The following RNF212B variants were observed in gnomAD, a reference collection of about 807,000 sequenced individuals.
The protein encoded by RNF212B is ring finger protein 212B, also known as E3 ubiquitin-protein ligase RNF212B.
A neutral mutation model predicts 55.5 loss-of-function variants in RNF212B; 52 were observed. That is an observed-to-expected ratio of 0.94 (90% CI 0.75 to 1.18). The LOEUF (loss-of-function observed/expected upper bound fraction) is 1.18. Ranked by LOEUF, RNF212B falls within the 50% of genes most tolerant of loss-of-function variation. RNF212B has a pLI of 0.00. For synonymous variants in RNF212B, 99 were observed against 121.4 expected (o/e 0.82, Z 1.21); for missense variants, 289 against 350.4 (o/e 0.82, Z 1.40).
intron 11 of RNF212B, among the ~76,000 whole-genome samples, chr14:23,266,656 C>T (rs1338405539): frequency 6.6e-6 from 1 of 152,110 alleles, no homozygotes; most frequent in Admixed American, 6.5e-5. Context: ...GGTGATCTGC[C>T]TGCCTCATCC....
chr14:23,208,973 T>C (rs1321348354), intron 2 of RNF212B, among the ~76,000 whole-genome samples: 2 of 151,648 alleles, frequency 1.3e-5, no homozygotes, highest in Admixed American at 6.6e-5. Flanking sequence ...TTAGCCGGGA[T>C]GGTCTCGATC....
At chr14:23,231,443 C>T (rs1882601521) in intron 2 of RNF212B, among the ~76,000 whole-genome samples, 1 of 152,160 alleles carries the variant, frequency 6.6e-6, no homozygotes, top group Non-Finnish European at 1.5e-5. Context: ...CACATGCAAA[C>T]TTTAATCCAT....
intron 2 of RNF212B, among the ~76,000 whole-genome samples, chr14:23,204,453 A>G (rs528301078): frequency 3.9e-5 from 6 of 152,120 alleles, no homozygotes; most frequent in African/African-American, 1.2e-4. Flanking sequence ...TGGCTAGCCA[A>G]TTATCCCAGC....
chr14:23,251,600 G>A (rs538554714), intron 4 of RNF212B, among the ~76,000 whole-genome samples: 1 of 152,310 alleles, frequency 6.6e-6, no homozygotes, highest in African/African-American at 2.4e-5. Flanking sequence ...CAGATCACCT[G>A]AGGTCAGGAG....
rs114949924 is a variant in RNF212B, at chr14:23,204,869, T to C, written c.-2+11468T>C. Among the ~76,000 whole-genome samples, 1,280 of 152,298 alleles carry C rather than the reference T, an allele frequency of 8.4e-3. 15 individuals carry two copies. The highest frequency in any genetic ancestry group is 0.029 in the African/African-American group (1,213 of 41,548). On this transcript the variant is annotated intron_variant, in intron 2 of 15. Transcript: ENST00000399910. The stretch of plus-strand genomic sequence containing the variant: ...TCCATGAGCATGGGGTATATTTTCA[T>C]TTGTTTCTGTCGTCTATGATTTCTC...
chr14:23,256,103 T>C (rs1043665189), intron 4 of RNF212B, among the ~76,000 whole-genome samples: 2 of 152,024 alleles, frequency 1.3e-5, no homozygotes, highest in Admixed American at 1.3e-4. Flanking sequence ...GGTCTGTTTA[T>C]GCACTTACGA....
intron 2 of RNF212B, among the ~76,000 whole-genome samples, chr14:23,216,500 G>A (rs933530476): frequency 2.6e-5 from 4 of 151,334 alleles, no homozygotes; most frequent in Non-Finnish European, 1.5e-5. Flanking sequence ...AAAGATAGAC[G>A]TCGACAGAAC....
At chr14:23,192,873 C>T (rs548781364) in intron 1 of RNF212B, among the ~76,000 whole-genome samples, 3 of 151,956 alleles carry the variant, frequency 2.0e-5, no homozygotes, top group Non-Finnish European at 2.9e-5. Flanking sequence ...GGGCGGATCA[C>T]CTGAGGTCGG....
chr14:23,262,614 T>C, intron 7 of RNF212B, 51 bp from the exon 8 acceptor site: 1 of 1,499,952 alleles, frequency 6.7e-7, no homozygotes, highest in Non-Finnish European at 9.0e-7. Context: ...AAAGTGGCAC[T>C]TGACCTCTGC....
intron 1 of RNF212B, among the ~76,000 whole-genome samples, chr14:23,191,348 CA>C (rs776652211): frequency 5.1e-3 from 246 of 48,212 alleles, no homozygotes; most frequent in South Asian, 8.3e-3. Context: ...GACCCTGTCT[CA>C]AAAAAAAAAA....
chr14:23,253,780 A>T (rs1445946147), intron 4 of RNF212B, among the ~76,000 whole-genome samples: 1 of 152,188 alleles, frequency 6.6e-6, no homozygotes, highest in Non-Finnish European at 1.5e-5. Context: ...AAATACTAAG[A>T]CTTGCTTGTA....
intron 1 of RNF212B, among the ~76,000 whole-genome samples, chr14:23,186,733 G>A (rs1007238379): frequency 6.6e-6 from 1 of 152,116 alleles, no homozygotes; most frequent in African/African-American, 2.4e-5. Flanking sequence ...TCCTCCTCAT[G>A]TAGTATCTTG....
intron 1 of RNF212B, among the ~76,000 whole-genome samples, chr14:23,190,882 G>C (rs983748370): frequency 6.6e-6 from 1 of 152,126 alleles, no homozygotes; most frequent in Non-Finnish European, 1.5e-5. Context: ...AGTCTCATAG[G>C]CCTCCTTCCT....
At chr14:23,241,473 G>A (rs1447447832) in intron 2 of RNF212B, among the ~76,000 whole-genome samples, 1 of 152,028 alleles carries the variant, frequency 6.6e-6, no homozygotes, top group East Asian at 1.9e-4. Context: ...ACCCAGGCTG[G>A]AATGCAGTGG....
chr14:23,237,842 CCACGCCCCGCG>C (rs374821243), upstream of RNF212B, among the ~76,000 whole-genome samples: 167 of 152,300 alleles, frequency 1.1e-3, 5 homozygotes, highest in East Asian at 0.023. Flanking sequence ...CGGGCCCCGC[CCACGCCCCGCG>C]CACGCCACGG....
intron 2 of RNF212B, among the ~76,000 whole-genome samples, chr14:23,213,331 A>G (rs997495891): frequency 1.3e-5 from 2 of 151,958 alleles, no homozygotes; most frequent in African/African-American, 4.8e-5. Flanking sequence ...AAAAAATTAT[A>G]AAACGTTACT....
In RNF212B at chr14:23,257,843, G is replaced by GT. The variant is rs1884963823; in HGVS notation, c.229-705dup. 2.6e-5 allele frequency among the ~76,000 whole-genome samples: 4 copies of GT among 152,148 alleles called. No individual in the cohort carries two copies. The South Asian group carries it at 8.3e-4, about 32-fold the overall frequency. ...GCATAAGCAGCCTGCAGGTGACTCT[G>GT]TAGGTGTCTTTAGGGAAAATAAATT... On this transcript the variant is annotated intron_variant, in intron 4 of 14. Transcript: ENST00000430154.
intron 2 of RNF212B, among the ~76,000 whole-genome samples, chr14:23,218,444 A>C (rs1881290092): frequency 1.3e-5 from 2 of 151,666 alleles, no homozygotes; most frequent in Admixed American, 1.3e-4. Flanking sequence ...TCTTAAAAGT[A>C]GAATTGATCA....
At chr14:23,216,567 T>TAA (rs112463333) in intron 2 of RNF212B, among the ~76,000 whole-genome samples, 100 of 141,132 alleles carry the variant, frequency 7.1e-4, no homozygotes, top group African/African-American at 2.5e-3. Flanking sequence ...TTATGCTAAG[T>TAA]AAAAAAAAAA....
Sources: gnomAD v4.1 joint callset for allele counts (sites outside exome capture counted in the v4.1 genomes callset) on GRCh38, gnomAD v4.1.1 for gene constraint, MANE v1.5 for transcripts, NCBI Gene and HGNC (gene_info 2026-07-23, HGNC 2026-07-21) for gene names.